The following DYNC1H1 variants were observed in gnomAD, a reference collection of about 807,000 sequenced individuals.
DYNC1H1 encodes the protein dynein cytoplasmic 1 heavy chain 1, also known as cytoplasmic dynein 1 heavy chain 1.
DYNC1H1 carries 51 observed loss-of-function variants against 527.1 expected under a neutral mutation model. That is an observed-to-expected ratio of 0.10 (90% CI 0.08 to 0.12). The LOEUF (loss-of-function observed/expected upper bound fraction) is 0.12, where lower values mean the gene tolerates loss of function less well. Among genes scored for constraint, DYNC1H1 ranks in the 10% least tolerant of loss-of-function variants. DYNC1H1 has a pLI of 1.00. For missense variants in DYNC1H1, 2,771 were observed against 5,971.8 expected (o/e 0.46, Z 17.66); for synonymous variants, 2,189 against 2,278.8 (o/e 0.96, Z 1.12).
chr14:102,011,634 G>C lies in DYNC1H1; in HGVS notation c.6619-241G>C, dbSNP rs1387562402. 7.5e-6 allele frequency: 4 copies of C among 533,090 alleles called. No individual in the cohort carries two copies. Among genetic ancestry groups the C allele is most frequent in the Non-Finnish European group, 1.4e-5 (4 of 295,878 alleles). The allele number at this position is 533,090 out of a possible 1,614,324, so 33.0% of individuals were successfully genotyped here. On this transcript the variant is annotated intron_variant, in intron 32 of 77. Transcript: ENST00000360184. The surrounding 1 kb of genome is among the most constrained non-coding windows in gnomAD (Gnocchi z 5.3). ...TAATCCATAGATAGGCGCTTGTAAAGCCAGCTACTTGGGAGAGTGAGGAAG... is the reference window on the plus strand; with the variant it reads ...TAATCCATAGATAGGCGCTTGTAAACCCAGCTACTTGGGAGAGTGAGGAAG...
In DYNC1H1 at chr14:102,005,214, G is replaced by A. The variant is rs746543001; in HGVS notation, c.5411G>A (p.Arg1804Gln). The A allele has an allele frequency of 1.9e-6, 3 of 1,614,046 alleles. No individual in the cohort carries two copies. Among genetic ancestry groups the A allele is most frequent in the East Asian group, 2.2e-5 (1 of 44,892 alleles). The part of the protein sequence containing the change: ...DSVLMEQPPL[R>Q]RRKLEHLITE... ...GTCCTCATGGAGCAGCCCCCACTCC[G>A]AAGGCGGAAGCTAGAACACTTGGTT... The change falls in exon 26 of 78, where the codon CGA (arginine) becomes CAA (glutamine). Residue 1804 changes from arginine (R) to glutamine (Q), a missense_variant. By Grantham distance (43) the Arg-to-Gln change is conservative (BLOSUM62 1). This residue lies in a region of DYNC1H1 where 64 missense variants were observed against 143.4 expected (regional missense o/e 0.45). Coordinates refer to ENST00000360184, the MANE Select transcript of DYNC1H1 (RefSeq NM_001376.5). The surrounding 1 kb of genome is among the most constrained non-coding windows in gnomAD (Gnocchi z 4.0).
intron 72 of DYNC1H1, among the ~76,000 whole-genome samples, chr14:102,046,604 C>T (rs1347155325): frequency 6.6e-6 from 1 of 152,122 alleles, no homozygotes; most frequent in Admixed American, 6.6e-5. Flanking sequence ...AGTCACAGGC[C>T]AAGGGACACT....
intron 1 of DYNC1H1, among the ~76,000 whole-genome samples, chr14:101,974,507 C>T (rs559939079): frequency 1.4e-4 from 21 of 152,122 alleles, no homozygotes; most frequent in African/African-American, 2.7e-4. Context: ...TCATACAGTA[C>T]GTTATTGCAA....
intron 9 of DYNC1H1, among the ~76,000 whole-genome samples, chr14:101,987,939 G>A (rs2047954431): frequency 6.6e-6 from 1 of 152,124 alleles, no homozygotes; most frequent in South Asian, 2.1e-4. Context: ...CTAGCCAGGT[G>A]TGCTGATGAG....
At position 102,007,023 on chromosome 14, in the gene DYNC1H1, G is replaced by A; in HGVS notation, c.5732G>A (p.Gly1911Glu). The A allele has an allele frequency of 6.2e-7, 1 of 1,614,208 alleles. No individual in the cohort carries two copies. The change falls in exon 28 of 78, where the codon GGG becomes GAG. Residue 1911 changes from glycine to glutamate, a missense_variant. By Grantham distance (98) the Gly-to-Glu change is moderately conservative. This residue lies in a region of DYNC1H1 where 22 missense variants were observed against 109.5 expected (regional missense o/e 0.20). Transcript: ENST00000360184. ...GGSPFGPAGTGKTESVKALGH... is the reference protein window; with the variant it reads ...GGSPFGPAGTEKTESVKALGH... ...CTTTAAACAGGACCTGCTGGAACTG[G>A]GAAAACAGAGTCTGTCAAAGCTCTT...
At chr14:102,006,327 C>T (rs554018453) in intron 27 of DYNC1H1, among the ~76,000 whole-genome samples, 157 bp downstream of exon 27, 5 of 152,328 alleles carry the variant, frequency 3.3e-5, no homozygotes, top group Admixed American at 6.5e-5. Context: ...CTCCACCTCC[C>T]GGGTTCAAGC....
chr14:101,981,486 G>A (rs535275895), intron 5 of DYNC1H1, among the ~76,000 whole-genome samples: 14 of 152,270 alleles, frequency 9.2e-5, no homozygotes, highest in Admixed American at 3.9e-4. Flanking sequence ...GCATTAGCAC[G>A]TACTAGGTCT....
intron 11 of DYNC1H1, among the ~76,000 whole-genome samples, chr14:101,992,641 A>G (rs1462599260): frequency 2.0e-5 from 3 of 152,132 alleles, no homozygotes; most frequent in African/African-American, 7.2e-5. Context: ...GTCCCCTGCA[A>G]TCTTCATAAG....
In DYNC1H1 at chr14:102,038,264, C is replaced by T; in HGVS notation, c.10909-196C>T. On this transcript the variant is annotated intron_variant, in intron 57 of 77. Coordinates refer to ENST00000360184, the MANE Select transcript of DYNC1H1 (RefSeq NM_001376.5). The surrounding 1 kb of genome is among the most constrained non-coding windows in gnomAD (Gnocchi z 7.2). ...AAAGTGCTGGAATTACAGGCGTGAGCCACCGCATCTGGCTGAGTTTTTAAT... is the reference window on the plus strand; with the variant it reads ...AAAGTGCTGGAATTACAGGCGTGAGTCACCGCATCTGGCTGAGTTTTTAAT... The T allele has an allele frequency of 1.1e-6, 1 of 888,266 alleles. No homozygotes were observed. Among genetic ancestry groups the T allele is most frequent in the Admixed American group, 2.1e-5 (1 of 47,592 alleles). The allele number at this position is 888,266 out of a possible 1,614,324, so 55.0% of individuals were successfully genotyped here.
At position 102,030,423 on chromosome 14, in the gene DYNC1H1, A is replaced by T. The variant is rs2048497644; in HGVS notation, c.9883+141A>T. The T allele has an allele frequency of 2.3e-6, 3 of 1,281,500 alleles. No individual in the cohort carries two copies. The African/African-American group carries it at 4.4e-5, about 19-fold the overall frequency. 79.4% of individuals were successfully genotyped at this position (1,281,500 alleles called of 1,614,324 possible). ...CAAAAATATCATTAGTAACCATCTGAAGCTTTTTCTGAATGCTTGAGATTG... is the reference window on the plus strand; with the variant it reads ...CAAAAATATCATTAGTAACCATCTGTAGCTTTTTCTGAATGCTTGAGATTG... On this transcript the variant is annotated intron_variant, in intron 51 of 77. Transcript: ENST00000360184.
At position 101,994,259 on chromosome 14, in the gene DYNC1H1, G is replaced by T. The variant is rs772165450; in HGVS notation, c.3091G>T (p.Val1031Phe). 6.2e-7 allele frequency: 1 copy of T among 1,614,200 alleles called. No homozygotes were observed. Among genetic ancestry groups the T allele is most frequent in the South Asian group, 1.1e-5 (1 of 91,092 alleles). ...TTTAACACGGATGCCTGATGGCCCT[G>T]TTGCCCTGGAAGAGTCGTATTCTGC... ...NALTRMPDGP[V>F]ALEESYSAVM... The change falls in exon 12 of 78, where the codon GTT becomes TTT. Residue 1031 changes from valine (V) to phenylalanine (F), a missense_variant. Physicochemically the swap from Val to Phe is conservative, Grantham distance 50 (BLOSUM62 -1). Transcript: ENST00000360184.
chr14:102,029,810 G>T lies in DYNC1H1; in HGVS notation c.9643-9G>T. On this transcript the variant is annotated splice_polypyrimidine_tract_variant and intron_variant, in intron 49 of 77. Coordinates refer to ENST00000360184, the MANE Select transcript of DYNC1H1 (RefSeq NM_001376.5). This position sits in a 1 kb window ranked among gnomAD's most constrained non-coding sequence, Gnocchi z 5.3. ...TTTCTCGTCTCTGAGTGTGGGCTTT[G>T]CTCTTTAGGTAGAAGAACTGCGTCG... The T allele has an allele frequency of 6.2e-7, 1 of 1,614,176 alleles. No homozygotes were observed. Among genetic ancestry groups the T allele is most frequent in the Non-Finnish European group, 8.5e-7 (1 of 1,180,046 alleles).
At chr14:102,023,585 A>C (rs1003242579) in intron 43 of DYNC1H1, 3 of 161,482 alleles carry the variant, frequency 1.9e-5, no homozygotes, top group African/African-American at 4.8e-5. Flanking sequence ...GCAATGGCAC[A>C]CGCCTGTAAT....
chr14:102,047,708 G>T, intron 72 of DYNC1H1, 109 bp from the exon 73 acceptor site: 2 of 1,320,832 alleles, frequency 1.5e-6, no homozygotes, highest in Non-Finnish European at 2.1e-6. Flanking sequence ...GCAGTTCCCA[G>T]TGTGGACTCA....
At chr14:102,047,564 CAT>C (rs1243897806) in intron 72 of DYNC1H1, 65 of 271,294 alleles carry the variant, frequency 2.4e-4, no homozygotes, top group African/African-American at 3.3e-4. Context: ...CACACACACA[CAT>C]ATATATATAC....
chr14:102,035,346 T>C (rs2048561706), intron 56 of DYNC1H1: 1 of 152,276 alleles, frequency 6.6e-6, no homozygotes, highest in Non-Finnish European at 1.5e-5. Flanking sequence ...ACTACCTGTT[T>C]TTCTGCTTAG....
intron 2 of DYNC1H1, among the ~76,000 whole-genome samples, chr14:101,977,885 T>C (rs1335099385): frequency 6.6e-6 from 1 of 152,198 alleles, no homozygotes; most frequent in Non-Finnish European, 1.5e-5. Flanking sequence ...ATGAAGTTTT[T>C]TGGGTTGTTT....
intron 11 of DYNC1H1, among the ~76,000 whole-genome samples, chr14:101,992,821 G>A (rs1309807057): frequency 2.0e-5 from 3 of 152,036 alleles, no homozygotes; most frequent in African/African-American, 2.4e-5. Context: ...TCAGAACACC[G>A]TGCCTCCTGG....
In DYNC1H1 at chr14:101,987,566, A is replaced by G. The variant is rs762508534; in HGVS notation, c.2652A>G (p.Ala884=). The change falls in exon 9 of 78, where the codon GCA becomes GCG. Residue 884 remains alanine, a synonymous_variant. Coordinates refer to ENST00000360184, the MANE Select transcript of DYNC1H1 (RefSeq NM_001376.5). ...FSEILNRVQK[A]VDDLNLHSYS... ...AAATCTTGAACAGAGTCCAGAAAGC[A>G]GTGGATGACTTAAATCTGCACTCCT... 4.1e-5 allele frequency: 66 copies of G among 1,614,104 alleles called. No individual in the cohort carries two copies. Among genetic ancestry groups the G allele is most frequent in the Non-Finnish European group, 5.1e-5 (60 of 1,180,054 alleles).
Sources: allele counts gnomAD v4.1 joint callset (sites outside exome capture counted in the v4.1 genomes callset), GRCh38; gene constraint gnomAD v4.1.1; regional missense constraint gnomAD v4.1.1; non-coding constraint Gnocchi (gnomAD v3.1); transcripts MANE v1.5; gene names NCBI Gene and HGNC (gene_info 2026-07-23, HGNC 2026-07-21).